ZNF385D: variants seen among roughly 807,000 people sequenced by gnomAD.
The protein encoded by ZNF385D is zinc finger protein 659.
A neutral mutation model predicts 35.8 loss-of-function variants in ZNF385D; 15 were observed. The observed-to-expected ratio is 0.42, with a 90% CI of 0.28 to 0.64. The LOEUF (loss-of-function observed/expected upper bound fraction) is 0.64. Among genes scored for constraint, ZNF385D ranks in the 30% least tolerant of loss-of-function variants. The probability of loss-of-function intolerance (pLI) is 0.23; values close to 1 mark genes in which losing one functional copy is unlikely to be tolerated. For synonymous variants in ZNF385D, 212 were observed against 186.8 expected, an observed-to-expected ratio of 1.13 and a Z score of -1.10; for missense variants, 474 against 494.6, an observed-to-expected ratio of 0.96 and a Z score of 0.39.
At chr3:21,797,737 C>G (rs182530780) in intron 3 of ZNF385D, among the ~76,000 whole-genome samples, 4 of 152,046 alleles carry the variant, frequency 2.6e-5, no homozygotes, top group East Asian at 1.9e-4. Context: ...TCAAGTGAAA[C>G]GAGCAAATTT....
chr3:21,478,360 C>T (rs1236448277), intron 4 of ZNF385D, among the ~76,000 whole-genome samples: 1 of 151,982 alleles, frequency 6.6e-6, no homozygotes, highest in Non-Finnish European at 1.5e-5. Context: ...GACATTAGGC[C>T]TCACCATGCA....
chr3:21,523,084 C>T (rs1289527778), intron 3 of ZNF385D, among the ~76,000 whole-genome samples: 1 of 152,208 alleles, frequency 6.6e-6, no homozygotes, highest in Non-Finnish European at 1.5e-5. Flanking sequence ...ATTTATGGAA[C>T]ACTCCAATGT....
At chr3:22,046,385 A>G (rs1472036109) in intron 3 of ZNF385D, among the ~76,000 whole-genome samples, 2 of 152,148 alleles carry the variant, frequency 1.3e-5, no homozygotes, top group African/African-American at 4.8e-5. Flanking sequence ...ATGCCCTGAC[A>G]GCCCACTATA....
At chr3:21,795,924 T>A (rs999545769) in intron 3 of ZNF385D, among the ~76,000 whole-genome samples, 1 of 152,176 alleles carries the variant, frequency 6.6e-6, no homozygotes, top group African/African-American at 2.4e-5. Flanking sequence ...AGCTAATAAT[T>A]TGCTACAAAG....
intron 3 of ZNF385D, among the ~76,000 whole-genome samples, chr3:22,021,707 A>G (rs1203236529): frequency 6.6e-6 from 1 of 152,070 alleles, no homozygotes; most frequent in African/African-American, 2.4e-5. Flanking sequence ...TAAAATGATG[A>G]AAACTGGCTT....
chr3:21,633,089 G>GA lies in ZNF385D; in HGVS notation c.165+31796dup, dbSNP rs916687658. On this transcript the variant is annotated intron_variant, in intron 2 of 7. Transcript: ENST00000281523. ...TTTGGTATATTCTAGAGATTTAACAGAAAAAATTATCATTTTTTTAGCTAT... is the reference window on the plus strand; with the variant it reads ...TTTGGTATATTCTAGAGATTTAACAGAAAAAAATTATCATTTTTTTAGCTAT... 4.6e-5 allele frequency among the ~76,000 whole-genome samples: 7 copies of GA among 151,982 alleles called. No individual in the cohort carries two copies. The East Asian group carries it at 5.8e-4, about 13-fold the overall frequency.
chr3:22,110,279 C>T (rs1313556032), intron 3 of ZNF385D, among the ~76,000 whole-genome samples: 1 of 151,850 alleles, frequency 6.6e-6, no homozygotes, highest in South Asian at 2.1e-4. Context: ...CCAGCCATCC[C>T]ATTACTGGGT....
intron 6 of ZNF385D, among the ~76,000 whole-genome samples, chr3:21,424,726 A>G (rs1700933076): frequency 7.1e-6 from 1 of 141,542 alleles, no homozygotes; most frequent in South Asian, 2.3e-4. Flanking sequence ...TACAAAGGGA[A>G]GGAATGTCTA....
chr3:22,299,776 A>G (rs1702796234), intron 2 of ZNF385D, among the ~76,000 whole-genome samples: 1 of 151,964 alleles, frequency 6.6e-6, no homozygotes, highest in Non-Finnish European at 1.5e-5. Flanking sequence ...AAAGACCTGT[A>G]CACTGAAAAC....
At chr3:22,235,885 ATAAAAAG>A (rs978893212) in intron 2 of ZNF385D, among the ~76,000 whole-genome samples, 2 of 152,108 alleles carry the variant, frequency 1.3e-5, no homozygotes, top group African/African-American at 2.4e-5. Flanking sequence ...TGTTCGACAA[ATAAAAAG>A]TAAAAAGTAA....
At chr3:21,452,900 T>C (rs1290753241) in intron 4 of ZNF385D, among the ~76,000 whole-genome samples, 2 of 151,782 alleles carry the variant, frequency 1.3e-5, no homozygotes, top group Non-Finnish European at 2.9e-5. Flanking sequence ...ATAGCCAAAA[T>C]GATATTGAAA....
chr3:22,148,018 T>A (rs1411138103), intron 3 of ZNF385D, among the ~76,000 whole-genome samples: 2 of 152,200 alleles, frequency 1.3e-5, no homozygotes, highest in Admixed American at 6.5e-5. Flanking sequence ...AATTGCTTTA[T>A]AACTCCTTAT....
At chr3:22,229,813 G>A (rs1055759363) in intron 2 of ZNF385D, among the ~76,000 whole-genome samples, 1 of 151,980 alleles carries the variant, frequency 6.6e-6, no homozygotes, top group Non-Finnish European at 1.5e-5. Context: ...CTCCCCTTGG[G>A]CAATGCTGCT....
intron 4 of ZNF385D, among the ~76,000 whole-genome samples, chr3:21,474,501 G>A (rs1704107895): frequency 4.6e-5 from 7 of 151,990 alleles, no homozygotes. Context: ...CACTCTCCAA[G>A]GTCAAACACA....
intron 2 of ZNF385D, among the ~76,000 whole-genome samples, chr3:21,591,234 T>C (rs2063967868): frequency 1.3e-5 from 2 of 152,118 alleles, no homozygotes; most frequent in African/African-American, 4.8e-5. Context: ...TTTCTTGGAA[T>C]TAAATTATAA....
chr3:22,126,382 T>G (rs1466891845), intron 3 of ZNF385D, among the ~76,000 whole-genome samples: 1 of 150,534 alleles, frequency 6.6e-6, no homozygotes, highest in Non-Finnish European at 1.5e-5. Context: ...TTACTAAGGT[T>G]TGGGTATGTT....
At chr3:21,690,392 G>T (rs186602747) in intron 1 of ZNF385D, among the ~76,000 whole-genome samples, 2 of 152,266 alleles carry the variant, frequency 1.3e-5, no homozygotes, top group Non-Finnish European at 2.9e-5. Context: ...TGACCCTGCA[G>T]ACCTACAGTG....
chr3:21,741,748 A>T (rs1019997156), intron 1 of ZNF385D, among the ~76,000 whole-genome samples: 1 of 152,158 alleles, frequency 6.6e-6, no homozygotes, highest in Non-Finnish European at 1.5e-5. Context: ...TTCCTAAGCA[A>T]TTATTAATAA....
chr3:22,288,422 C>G (rs1702134996), intron 2 of ZNF385D, among the ~76,000 whole-genome samples: 1 of 149,286 alleles, frequency 6.7e-6, no homozygotes, highest in Non-Finnish European at 1.5e-5. Flanking sequence ...CTTAAGCCAT[C>G]TTCCATCTTT....
Sources: allele counts gnomAD v4.1 joint callset (sites outside exome capture counted in the v4.1 genomes callset), GRCh38; gene constraint gnomAD v4.1.1; transcripts MANE v1.5; gene names NCBI Gene and HGNC (gene_info 2026-07-23, HGNC 2026-07-21).